LSAMP: variants seen among roughly 807,000 people sequenced by gnomAD.
LSAMP encodes the protein limbic system associated membrane protein.
A neutral mutation model predicts 38.6 loss-of-function variants in LSAMP; 7 were observed. The observed-to-expected ratio is 0.18, with a 90% CI of 0.10 to 0.34. LSAMP has a LOEUF of 0.34. Among genes scored for constraint, LSAMP ranks in the 10% least tolerant of loss-of-function variants. LSAMP has a pLI of 1.00. For missense variants in LSAMP, 313 were observed against 420.0 expected (o/e 0.75, Z 2.23); for synonymous variants, 154 against 166.8 (o/e 0.92, Z 0.59).
At chr3:116,032,656 A>C (rs1309547684) in intron 2 of LSAMP, among the ~76,000 whole-genome samples, 2 of 152,096 alleles carry the variant, frequency 1.3e-5, no homozygotes, top group Non-Finnish European at 2.9e-5. Flanking sequence ...AAAAAAAATT[A>C]GCTGGACATG....
intron 1 of LSAMP, among the ~76,000 whole-genome samples, chr3:116,296,312 G>C (rs1199849701): frequency 6.6e-6 from 1 of 152,084 alleles, no homozygotes; most frequent in Non-Finnish European, 1.5e-5. Flanking sequence ...ATTTGGTTAA[G>C]AGCAGCCCAG....
At chr3:116,350,892 A>G (rs2048129685) in intron 1 of LSAMP, among the ~76,000 whole-genome samples, 2 of 152,044 alleles carry the variant, frequency 1.3e-5, no homozygotes, top group African/African-American at 4.8e-5. Flanking sequence ...GAAGTGCCAC[A>G]GTGCATGATA....
chr3:116,199,565 G>C (rs534606991), intron 1 of LSAMP, among the ~76,000 whole-genome samples: 1 of 152,170 alleles, frequency 6.6e-6, no homozygotes. Context: ...CACCTAGTCT[G>C]CTAGGATAAA....
At chr3:116,239,954 C>T (rs1397671211) in intron 1 of LSAMP, among the ~76,000 whole-genome samples, 1 of 152,046 alleles carries the variant, frequency 6.6e-6, no homozygotes, top group Non-Finnish European at 1.5e-5. Flanking sequence ...ATCTACTCTG[C>T]CATTTAGCTG....
intron 1 of LSAMP, among the ~76,000 whole-genome samples, chr3:116,203,547 C>A (rs2046020785): frequency 8.3e-6 from 1 of 120,852 alleles, no homozygotes; most frequent in Non-Finnish European, 1.7e-5. Context: ...TATCCCTCCC[C>A]CCACCCCCCA....
intron 1 of LSAMP, among the ~76,000 whole-genome samples, chr3:116,134,207 T>C (rs762431756): frequency 1.1e-4 from 16 of 152,216 alleles, no homozygotes; most frequent in Non-Finnish European, 1.9e-4. Context: ...AAATTCTCTT[T>C]GTGAAATTAA....
At chr3:116,281,865 G>A (rs1333832199) in intron 1 of LSAMP, among the ~76,000 whole-genome samples, 1 of 152,130 alleles carries the variant, frequency 6.6e-6, no homozygotes, top group South Asian at 2.1e-4. Context: ...ACCAACAAAT[G>A]TTAGTTACAC....
At chr3:116,281,212 G>A (rs1001657717) in intron 1 of LSAMP, among the ~76,000 whole-genome samples, 6 of 152,134 alleles carry the variant, frequency 3.9e-5, no homozygotes, top group African/African-American at 1.4e-4. Context: ...GGAAAAGAAG[G>A]ACATTAAAGA....
At chr3:116,106,420 C>T (rs1381680111) in intron 1 of LSAMP, among the ~76,000 whole-genome samples, 1 of 152,064 alleles carries the variant, frequency 6.6e-6, no homozygotes, top group Non-Finnish European at 1.5e-5. Context: ...AGACTGGGGC[C>T]TAATAAAAAG....
At chr3:115,860,354 C>A (rs1046333290) in intron 3 of LSAMP, among the ~76,000 whole-genome samples, 1 of 152,210 alleles carries the variant, frequency 6.6e-6, no homozygotes, top group Non-Finnish European at 1.5e-5. Flanking sequence ...GACTCATGTT[C>A]CGAACTAAGC....
At chr3:115,931,843 A>T (rs1341769150) in intron 3 of LSAMP, among the ~76,000 whole-genome samples, 2 of 152,174 alleles carry the variant, frequency 1.3e-5, no homozygotes, top group Non-Finnish European at 2.9e-5. Context: ...AACTGTCTCC[A>T]AAACAAAGGA....
chr3:116,355,496 A>G (rs897189098), intron 1 of LSAMP, among the ~76,000 whole-genome samples: 1 of 152,212 alleles, frequency 6.6e-6, no homozygotes, highest in Non-Finnish European at 1.5e-5. Flanking sequence ...TAAAGAAAAC[A>G]TTGGATAAAC....
intron 3 of LSAMP, among the ~76,000 whole-genome samples, chr3:115,891,703 T>C (rs373390972): frequency 5.3e-5 from 8 of 152,140 alleles, no homozygotes; most frequent in South Asian, 2.1e-4. Context: ...CTTAACTATT[T>C]GTTCAATTTG....
chr3:116,005,780 G>C (rs953940697), intron 3 of LSAMP, among the ~76,000 whole-genome samples: 4 of 152,156 alleles, frequency 2.6e-5, no homozygotes, highest in African/African-American at 9.7e-5. Context: ...CCCAATGGGG[G>C]TGTTCTTTGG....
At chr3:116,394,826 T>C (rs967550410) in intron 1 of LSAMP, among the ~76,000 whole-genome samples, 3 of 152,204 alleles carry the variant, frequency 2.0e-5, no homozygotes, top group Non-Finnish European at 4.4e-5. Flanking sequence ...ATATGTAAAA[T>C]CTTTCCCCCT....
chr3:116,226,155 C>T (rs1026241015), intron 1 of LSAMP, among the ~76,000 whole-genome samples: 24 of 152,132 alleles, frequency 1.6e-4, no homozygotes, highest in Middle Eastern at 3.2e-3. Flanking sequence ...CTATACAAAA[C>T]GGTAACCATG....
At chr3:116,004,120 A>G (rs1047939361) in intron 3 of LSAMP, among the ~76,000 whole-genome samples, 1 of 152,156 alleles carries the variant, frequency 6.6e-6, no homozygotes, top group African/African-American at 2.4e-5. Flanking sequence ...GAGAAATCAT[A>G]AAGTGTTATA....
At chr3:115,957,613 A>G (rs1217461378) in intron 3 of LSAMP, among the ~76,000 whole-genome samples, 1 of 152,184 alleles carries the variant, frequency 6.6e-6, no homozygotes, top group Non-Finnish European at 1.5e-5. Context: ...AGCTGAGACA[A>G]AGGAGCTAGG....
At position 116,379,031 on chromosome 3, in the gene LSAMP, ACACG is replaced by A. The variant is rs1320401663; in HGVS notation, c.155+65842_155+65845del. Among the ~76,000 whole-genome samples the A allele has an allele frequency of 2.1e-5, 3 of 142,030 alleles. No individual in the cohort carries two copies. In the East Asian group the frequency reaches 6.4e-4, roughly 30 times the overall value. 93.2% of individuals were successfully genotyped at this position (142,030 alleles called of 152,430 possible). ...CACACACACACACACACACACACAC[ACACG>A]AGTCCTACCATGACAAATTGATTCT... On this transcript the variant is annotated intron_variant, in intron 1 of 6. Transcript: ENST00000490035.
Sources: gnomAD v4.1 joint callset for allele counts (sites outside exome capture counted in the v4.1 genomes callset) on GRCh38, gnomAD v4.1.1 for gene constraint, MANE v1.5 for transcripts, NCBI Gene and HGNC (gene_info 2026-07-23, HGNC 2026-07-21) for gene names.